Variants in CSMD1 observed in about 807,000 individuals in gnomAD.
CSMD1 encodes the protein CUB and Sushi multiple domains 1.
CSMD1 carries 213 observed loss-of-function variants against 417.5 expected under a neutral mutation model. That is an observed-to-expected ratio of 0.51 (90% CI 0.46 to 0.57). The LOEUF is 0.57. Among genes scored for constraint, CSMD1 ranks in the 20% least tolerant of loss-of-function variants. The pLI is 0.00. For missense variants in CSMD1, 6,923 were observed against 4,529.7 expected (o/e 1.53, Z -15.17); for synonymous variants, 2,862 against 1,736.8 (o/e 1.65, Z -16.11).
At chr8:3,163,317 A>G (rs1317826372) in intron 37 of CSMD1, among the ~76,000 whole-genome samples, 3 of 152,130 alleles carry the variant, frequency 2.0e-5, no homozygotes, top group East Asian at 1.9e-4. Flanking sequence ...GTACTTCACA[A>G]CAACAGGAGA....
At chr8:4,831,206 T>G (rs554934332) in intron 1 of CSMD1, among the ~76,000 whole-genome samples, 121 of 152,200 alleles carry the variant, frequency 8.0e-4, no homozygotes, top group Non-Finnish European at 1.0e-3. Context: ...GCAGATGTCC[T>G]TTCATTTTCC....
intron 7 of CSMD1, among the ~76,000 whole-genome samples, chr8:3,619,661 G>A (rs1802322564): frequency 6.6e-6 from 1 of 151,980 alleles, no homozygotes; most frequent in South Asian, 2.1e-4. Context: ...TAATCAAACT[G>A]TTAGGAGCCA....
intron 3 of CSMD1, among the ~76,000 whole-genome samples, chr8:4,038,430 G>T (rs765392106): frequency 6.6e-6 from 1 of 152,110 alleles, no homozygotes; most frequent in Non-Finnish European, 1.5e-5. Context: ...GACACACACA[G>T]ACACAAATAT....
At chr8:4,885,103 G>A (rs1803653117) in intron 1 of CSMD1, among the ~76,000 whole-genome samples, 1 of 152,028 alleles carries the variant, frequency 6.6e-6, no homozygotes, top group African/African-American at 2.4e-5. Flanking sequence ...TACTGTAAAT[G>A]GAATGGTATT....
chr8:4,638,440 A>G (rs1256166268), intron 1 of CSMD1, among the ~76,000 whole-genome samples: 2 of 152,218 alleles, frequency 1.3e-5, no homozygotes, highest in Non-Finnish European at 2.9e-5. Context: ...AGTTGAAAAT[A>G]AAAGACATAA....
intron 1 of CSMD1, among the ~76,000 whole-genome samples, chr8:4,690,166 C>G (rs77283067): frequency 0.01 from 1,598 of 152,240 alleles, 79 homozygotes; most frequent in Admixed American, 0.078. Context: ...TAAGATTACC[C>G]TCACAGTGTT....
At chr8:3,966,374 C>T (rs1435399808) in intron 5 of CSMD1, among the ~76,000 whole-genome samples, 1 of 152,108 alleles carries the variant, frequency 6.6e-6, no homozygotes, top group East Asian at 1.9e-4. Flanking sequence ...ACATCCAAGT[C>T]TTGCGTCTTG....
intron 1 of CSMD1, among the ~76,000 whole-genome samples, chr8:4,729,219 G>T (rs115896120): frequency 0.01 from 1,564 of 151,992 alleles, 24 homozygotes; most frequent in African/African-American, 0.031. Flanking sequence ...AAATAAAGAG[G>T]GCATTATCAC....
chr8:3,485,483 G>A (rs529559671), intron 11 of CSMD1, among the ~76,000 whole-genome samples: 66 of 150,004 alleles, frequency 4.4e-4, no homozygotes, highest in African/African-American at 1.6e-3. Flanking sequence ...GGCGGATACA[G>A]GAACTTAAAC....
At chr8:4,167,727 C>T (rs573004017) in intron 3 of CSMD1, among the ~76,000 whole-genome samples, 13 of 152,320 alleles carry the variant, frequency 8.5e-5, no homozygotes, top group African/African-American at 3.1e-4. Flanking sequence ...CAGTGGTTCA[C>T]ACCTGTAATT....
At chr8:4,526,457 G>A (rs374715838) in intron 2 of CSMD1, among the ~76,000 whole-genome samples, 1 of 152,176 alleles carries the variant, frequency 6.6e-6, no homozygotes, top group Admixed American at 6.5e-5. Flanking sequence ...ATAATTGCTA[G>A]ATGATTTTTT....
intron 6 of CSMD1, among the ~76,000 whole-genome samples, chr8:3,725,641 C>A (rs1802439417): frequency 6.6e-6 from 1 of 152,026 alleles, no homozygotes; most frequent in African/African-American, 2.4e-5. Flanking sequence ...GTCCAAGCAA[C>A]AGGATGGAGT....
rs1168910721 is a variant in CSMD1, at chr8:4,224,190, T to C, written c.416-192091A>G. On this transcript the variant is annotated intron_variant, in intron 3 of 69. Coordinates refer to ENST00000635120, the MANE Select transcript of CSMD1 (RefSeq NM_033225.6). The stretch of plus-strand genomic sequence containing the variant: ...CACAAAACTATAGACAAGTGAAAGT[T>C]ATGCAAAGCGTTTGTGATCCAAGTC... Among the ~76,000 whole-genome samples, 5 of 151,520 alleles carry C rather than the reference T, an allele frequency of 3.3e-5. No homozygotes were observed. In the East Asian group the frequency reaches 9.8e-4, roughly 30 times the overall value.
At chr8:4,419,861 T>G in intron 3 of CSMD1, 92 bp downstream of exon 3, 1 of 887,332 alleles carries the variant, frequency 1.1e-6, no homozygotes, top group Non-Finnish European at 1.8e-6. Flanking sequence ...ACCTGCGACA[T>G]AGCAGCCTAG....
At chr8:4,765,195 C>T (rs956699517) in intron 1 of CSMD1, among the ~76,000 whole-genome samples, 1 of 151,836 alleles carries the variant, frequency 6.6e-6, no homozygotes, top group African/African-American at 2.4e-5. Context: ...TGTGTTCTTC[C>T]GTCTCATAAA....
At chr8:4,750,853 G>A (rs1036527671) in intron 1 of CSMD1, among the ~76,000 whole-genome samples, 1 of 152,056 alleles carries the variant, frequency 6.6e-6, no homozygotes, top group Non-Finnish European at 1.5e-5. Flanking sequence ...ATGAGATATT[G>A]GGATTTAGTG....
chr8:4,514,391 G>A (rs913444099), intron 2 of CSMD1, among the ~76,000 whole-genome samples: 1 of 152,104 alleles, frequency 6.6e-6, no homozygotes, highest in Non-Finnish European at 1.5e-5. Context: ...GGGGACACAG[G>A]CAGTCCACAA....
At chr8:4,736,014 C>G (rs1292325097) in intron 1 of CSMD1, among the ~76,000 whole-genome samples, 1 of 152,160 alleles carries the variant, frequency 6.6e-6, no homozygotes. Context: ...TTTTATGGAG[C>G]TGCTGGAGAC....
chr8:4,048,197 T>C (rs994446868), intron 3 of CSMD1, among the ~76,000 whole-genome samples: 2 of 152,156 alleles, frequency 1.3e-5, no homozygotes, highest in African/African-American at 4.8e-5. Context: ...GTATGGATGT[T>C]TTCATATTGA....
Sources: gnomAD v4.1 joint callset for allele counts (sites outside exome capture counted in the v4.1 genomes callset) on GRCh38, gnomAD v4.1.1 for gene constraint, MANE v1.5 for transcripts, NCBI Gene and HGNC (gene_info 2026-07-23, HGNC 2026-07-21) for gene names.